The following SAMMSON variants were observed in gnomAD, a reference collection of about 807,000 sequenced individuals.
SAMMSON encodes long intergenic non-protein coding RNA 1212.
chr3:70,028,108 CCTTCCCTT>C (rs2067048849), intron 3 of SAMMSON, among the ~76,000 whole-genome samples: 1 of 148,716 alleles, frequency 6.7e-6, no homozygotes, highest in African/African-American at 2.5e-5. Context: ...TTCCTTCCTT[CCTTCCCTT>C]CCTTCCTTCC....
intron 2 of SAMMSON, among the ~76,000 whole-genome samples, chr3:70,013,311 A>G (rs557978289): frequency 1.3e-5 from 2 of 152,178 alleles, no homozygotes; most frequent in East Asian, 3.8e-4. Context: ...AGAAGCAATA[A>G]GAGTAGCCTC....
At chr3:70,353,391 C>A (rs1702807759) in intron 7 of SAMMSON, among the ~76,000 whole-genome samples, 1 of 151,860 alleles carries the variant, frequency 6.6e-6, no homozygotes, top group African/African-American at 2.4e-5. Context: ...AATAAACAAA[C>A]AATTCAGTAG....
chr3:70,198,495 A>G (rs1281098480), intron 4 of SAMMSON, among the ~76,000 whole-genome samples: 1 of 152,212 alleles, frequency 6.6e-6, no homozygotes, highest in Non-Finnish European at 1.5e-5. Flanking sequence ...CAAATATTTT[A>G]AAGAAAGCCA....
At chr3:70,140,077 A>G (rs1328580570) in intron 4 of SAMMSON, 1 of 153,334 alleles carries the variant, frequency 6.5e-6, no homozygotes, top group Non-Finnish European at 1.5e-5. Context: ...CACACTTTGC[A>G]AGAAGCAGTC....
At chr3:70,003,563 G>A (rs2066914556) in intron 1 of SAMMSON, among the ~76,000 whole-genome samples, 1 of 151,684 alleles carries the variant, frequency 6.6e-6, no homozygotes, top group Admixed American at 6.6e-5. Context: ...ACTTTATTAT[G>A]AACATTAGTG....
At chr3:70,016,390 A>T (rs2066985863) in intron 3 of SAMMSON, among the ~76,000 whole-genome samples, 2 of 152,114 alleles carry the variant, frequency 1.3e-5, no homozygotes, top group Admixed American at 1.3e-4. Context: ...GATCCTTTTG[A>T]GAAGGATCTC....
chr3:70,040,463 A>G (rs543484939), intron 3 of SAMMSON, among the ~76,000 whole-genome samples: 4 of 152,324 alleles, frequency 2.6e-5, no homozygotes, highest in Non-Finnish European at 4.4e-5. Context: ...AAGACTGGTC[A>G]TCATTCTATC....
At chr3:70,035,030 G>A (rs188384572) in intron 3 of SAMMSON, among the ~76,000 whole-genome samples, 1 of 152,242 alleles carries the variant, frequency 6.6e-6, no homozygotes, top group African/African-American at 2.4e-5. Flanking sequence ...GAGGGGGCTT[G>A]GCTGGATTCT....
Position 70,295,017 on chromosome 3 carries a change from T to C in SAMMSON, n.739+3774T>C, listed in dbSNP as rs775029068. On this transcript the variant is annotated intron_variant and non_coding_transcript_variant, in intron 7 of 9. Transcript: ENST00000642114. ...CTAGCAGATGGGTTCTCATGTCTCA[T>C]TGTCCAAAATTATTTGTTGCCTAAA... 8.4e-4 allele frequency among the ~76,000 whole-genome samples: 128 copies of C among 152,294 alleles called. 1 individual carries two copies. In the Middle Eastern group the frequency reaches 0.017, roughly 20 times the overall value.
chr3:70,141,560 C>A, intron 4 of SAMMSON, among the ~76,000 whole-genome samples: 1 of 152,008 alleles, frequency 6.6e-6, no homozygotes, highest in East Asian at 1.9e-4. Context: ...TATTTACCTG[C>A]CACCATTCAT....
chr3:70,015,678 T>C (rs1283474642), intron 3 of SAMMSON, among the ~76,000 whole-genome samples: 5,317 of 152,168 alleles, frequency 0.035, 310 homozygotes, highest in African/African-American at 0.12. Context: ...ACTCGTCATT[T>C]ACTTTAGGTA....
At chr3:70,125,144 A>C in intron 4 of SAMMSON, 1 of 1,561,086 alleles carries the variant, frequency 6.4e-7, no homozygotes, top group East Asian at 2.2e-5. Flanking sequence ...GGGTTTTCCA[A>C]AAAGCACATA....
At chr3:70,389,205 C>G (rs959577975) in intron 9 of SAMMSON, among the ~76,000 whole-genome samples, 1 of 152,090 alleles carries the variant, frequency 6.6e-6, no homozygotes, top group African/African-American at 2.4e-5. Flanking sequence ...GAACCTCTTT[C>G]CTTTATAAAC....
At chr3:70,206,617 ATGT>A (rs1701293024) in intron 4 of SAMMSON, 5 of 397,676 alleles carry the variant, frequency 1.3e-5, no homozygotes, top group Non-Finnish European at 2.2e-5. Context: ...AGGTAAGAAA[ATGT>A]TGTTTGGCAT....
At chr3:70,313,274 C>A (rs910503743) in intron 7 of SAMMSON, among the ~76,000 whole-genome samples, 2 of 152,032 alleles carry the variant, frequency 1.3e-5, no homozygotes, top group African/African-American at 4.8e-5. Flanking sequence ...TCCAGACCAG[C>A]CTGGGCAACA....
chr3:70,314,515 A>G (rs1478777512), intron 7 of SAMMSON, among the ~76,000 whole-genome samples: 1 of 152,172 alleles, frequency 6.6e-6, no homozygotes, highest in Non-Finnish European at 1.5e-5. Context: ...ACATTTGAAC[A>G]ACAATAATCA....
chr3:70,215,023 AT>A (rs1191780592), intron 4 of SAMMSON, among the ~76,000 whole-genome samples: 3 of 152,142 alleles, frequency 2.0e-5, no homozygotes, highest in Non-Finnish European at 4.4e-5. Flanking sequence ...TTTTTTTACT[AT>A]CAGTGTTTAA....
chr3:70,395,106 G>A (rs909988791), intron 2 of SAMMSON, among the ~76,000 whole-genome samples: 1 of 152,110 alleles, frequency 6.6e-6, no homozygotes, highest in Non-Finnish European at 1.5e-5. Context: ...CAGCTTTGCT[G>A]TGGACCAAGC....
chr3:70,265,346 G>T (rs967744908), intron 6 of SAMMSON, among the ~76,000 whole-genome samples: 18 of 152,168 alleles, frequency 1.2e-4, no homozygotes, highest in African/African-American at 4.8e-5. Flanking sequence ...TTTCACTAAT[G>T]GAATGCAAGA....
Sources: gnomAD v4.1 joint callset for allele counts (sites outside exome capture counted in the v4.1 genomes callset) on GRCh38, gnomAD v4.1.1 for gene constraint, MANE v1.5 for transcripts, NCBI Gene and HGNC (gene_info 2026-07-23, HGNC 2026-07-21) for gene names.